Variants in SPEM2 observed in about 807,000 individuals in gnomAD.
SPEM2 encodes SPEM family member 2.
A neutral mutation model predicts 9.3 loss-of-function variants in SPEM2; 15 were observed. The observed-to-expected ratio is 1.62, with a 90% CI of 1.08 to 2.50. The LOEUF (loss-of-function observed/expected upper bound fraction) is 2.50. SPEM2 is among the 30% of genes most tolerant of loss of function. SPEM2 has a pLI of 0.00. For missense variants in SPEM2, 678 were observed against 690.0 expected (o/e 0.98, Z 0.19); for synonymous variants, 268 against 272.4 (o/e 0.98, Z 0.16).
Position 7,426,831 on chromosome 17 carries a change from A to G in SPEM2, c.840A>G (p.Pro280=), listed in dbSNP as rs1907632276. The G allele has an allele frequency of 3.1e-6, 5 of 1,609,196 alleles. No individual in the cohort carries two copies. Among genetic ancestry groups the G allele is most frequent in the Non-Finnish European group, 4.2e-6 (5 of 1,177,596 alleles). ...AGGCTGAGCAGTGGGCCTCGTCTCC[A>G]CCACCTCCCCACCGGCTGCCCCCTA... ...NVEAEQWASS[P]PPPHRLPPNP... Residue 280 remains proline (P), a synonymous_variant, in exon 3 of 3, where the codon CCA becomes CCG. Coordinates refer to ENST00000333870, the MANE Select transcript of SPEM2 (RefSeq NM_175734.5). This position sits in a 1 kb window ranked among gnomAD's most constrained non-coding sequence, Gnocchi z 5.3.
rs377377028 is a variant in SPEM2 at position 7,425,716 on chromosome 17, G to A, written c.28G>A (p.Val10Met). 32 of 1,614,146 alleles carry A rather than the reference G, an allele frequency of 2.0e-5. No individual in the cohort carries two copies. The African/African-American group carries it at 2.0e-4, about 10-fold the overall frequency. MENQLWHNT[V>M]RCCNQYQESP... Reference sequence around the variant, plus strand: ...GGAAAACCAGCTATGGCATAACACCGTGAGATGTTGCAATCAATACCAAGA... The same window carrying A: ...GGAAAACCAGCTATGGCATAACACCATGAGATGTTGCAATCAATACCAAGA... The change falls in exon 1 of 3, where the codon GTG becomes ATG. Residue 10 changes from valine to methionine, a missense_variant. Transcript: ENST00000333870.
Position 7,426,193 on chromosome 17 carries a change from A to G in SPEM2, c.202A>G (p.Ile68Val). ...MIDWATQKNE[I>V]QASESPPSGP... ...TGGACTCTTGCCTTCCCCAGATGAA[A>G]TTCAGGCCAGTGAAAGTCCCCCAAG... The change falls in exon 3 of 3, where the codon ATT becomes GTT. Residue 68 changes from isoleucine (I) to valine (V), a missense_variant. Coordinates refer to ENST00000333870, the MANE Select transcript of SPEM2 (RefSeq NM_175734.5). The surrounding 1 kb of genome is among the most constrained non-coding windows in gnomAD (Gnocchi z 5.3). The G allele has an allele frequency of 1.9e-6, 3 of 1,613,190 alleles. No homozygotes were observed. Among genetic ancestry groups the G allele is most frequent in the Non-Finnish European group, 2.5e-6 (3 of 1,179,326 alleles).
At position 7,426,157 on chromosome 17, in the gene SPEM2, C is replaced by A; in HGVS notation, c.197-31C>A. The A allele has an allele frequency of 6.2e-7, 1 of 1,613,500 alleles. No individual in the cohort carries two copies. Among genetic ancestry groups the A allele is most frequent in the East Asian group, 2.2e-5 (1 of 44,872 alleles). ...CAACCTTGAGCTCTTCTGACAATTG[C>A]CCTGACTTCATGGACTCTTGCCTTC... On this transcript the variant is annotated intron_variant, in intron 2 of 2. Coordinates refer to ENST00000333870, the MANE Select transcript of SPEM2 (RefSeq NM_175734.5). This position sits in a 1 kb window ranked among gnomAD's most constrained non-coding sequence, Gnocchi z 5.3.
chr17:7,426,522 T>A lies in SPEM2; in HGVS notation c.531T>A (p.Asp177Glu). ...MSQLHRVPFF[D>E]QEDPDSYLEE... The stretch of plus-strand genomic sequence containing the variant: ...AACTACACCGAGTGCCTTTCTTTGA[T>A]CAGGAGGACCCGGATTCCTACCTGG... The change falls in exon 3 of 3, where the codon GAT becomes GAA. Residue 177 changes from aspartate to glutamate, a missense_variant. Asp to Glu is a conservative substitution (Grantham distance 45). Coordinates refer to ENST00000333870, the MANE Select transcript of SPEM2 (RefSeq NM_175734.5). This position sits in a 1 kb window ranked among gnomAD's most constrained non-coding sequence, Gnocchi z 5.3. The A allele has an allele frequency of 1.2e-6, 2 of 1,614,110 alleles. No individual in the cohort carries two copies. The highest frequency in any genetic ancestry group is 1.7e-6 in the Non-Finnish European group (2 of 1,180,034).
At position 7,426,843 on chromosome 17, in the gene SPEM2, C is replaced by T. The variant is rs1337660338; in HGVS notation, c.852C>T (p.His284=). The T allele has an allele frequency of 3.1e-6, 5 of 1,610,114 alleles. No individual in the cohort carries two copies. Among genetic ancestry groups the T allele is most frequent in the African/African-American group, 1.3e-5 (1 of 74,896 alleles). The change falls in exon 3 of 3, where the codon CAC becomes CAT. Residue 284 remains histidine (H), a synonymous_variant. Coordinates refer to ENST00000333870, the MANE Select transcript of SPEM2 (RefSeq NM_175734.5). This position sits in a 1 kb window ranked among gnomAD's most constrained non-coding sequence, Gnocchi z 5.3. ...EQWASSPPPP[H]RLPPNPSWVP... ...GGGCCTCGTCTCCACCACCTCCCCA[C>T]CGGCTGCCCCCTAACCCCTCTTGGG...
Position 7,427,235 on chromosome 17 carries a change from C to G in SPEM2, c.1244C>G (p.Thr415Ser). The change falls in exon 3 of 3, where the codon ACC becomes AGC. Residue 415 changes from threonine (T) to serine (S), a missense_variant. By Grantham distance (58) the Thr-to-Ser change is moderately conservative. Transcript: ENST00000333870. This position sits in a 1 kb window ranked among gnomAD's most constrained non-coding sequence, Gnocchi z 5.4. Reference sequence around the variant, plus strand: ...TTGGACGAGGCCTCCCATCAACGGACCCCAGCTCCAAGCTCAGTGCTGGTC... The same window carrying G: ...TTGGACGAGGCCTCCCATCAACGGAGCCCAGCTCCAAGCTCAGTGCTGGTC... ...TVLDEASHQR[T>S]PAPSSVLVPH... The G allele has an allele frequency of 6.2e-7, 1 of 1,614,196 alleles. No homozygotes were observed. The highest frequency in any genetic ancestry group is 8.5e-7 in the Non-Finnish European group (1 of 1,180,014).
At position 7,426,588 on chromosome 17, in the gene SPEM2, A is replaced by C. The variant is rs753280136; in HGVS notation, c.597A>C (p.Pro199=). Residue 199 remains proline (P), a synonymous_variant, in exon 3 of 3, where the codon CCA becomes CCC. Transcript: ENST00000333870. The surrounding 1 kb of genome is among the most constrained non-coding windows in gnomAD (Gnocchi z 5.3). ...DNLPFPYPKY[P]RRGWGGFYQR... is the part of the protein sequence containing the mutation. The stretch of plus-strand genomic sequence containing the variant: ...TGCCCTTCCCGTATCCCAAGTACCC[A>C]CGTCGCGGCTGGGGCGGGTTTTATC... 6.2e-7 allele frequency: 1 copy of C among 1,613,968 alleles called. No homozygotes were observed. Among genetic ancestry groups the C allele is most frequent in the Non-Finnish European group, 8.5e-7 (1 of 1,179,940 alleles).
At position 7,425,791 on chromosome 17, in the gene SPEM2, G is replaced by A. The variant is rs578165737; in HGVS notation, c.103G>A (p.Val35Ile). The change falls in exon 1 of 3, where the codon GTT (valine) becomes ATT (isoleucine). Residue 35 changes from valine to isoleucine, a missense_variant. Transcript: ENST00000333870. ...DILLLLLGLI[V>I]LVNIGINVAT... ...CTTACTCCTGCTGCTGGGCCTCATC[G>A]TTCTTGTCAACATTGGCATCAACGT... is the stretch of plus-strand genomic sequence containing the variant. 36 of 1,614,202 alleles carry A rather than the reference G, an allele frequency of 2.2e-5. No homozygotes were observed. In the East Asian group the frequency reaches 6.5e-4, roughly 29 times the overall value.
chr17:7,427,405 A>G lies in SPEM2; in HGVS notation c.1414A>G (p.Lys472Glu). 6.2e-7 allele frequency: 1 copy of G among 1,613,650 alleles called. No homozygotes were observed. Residue 472 changes from lysine to glutamate, a missense_variant, in exon 3 of 3, where the codon AAG (lysine) becomes GAG (glutamate). Lys to Glu is a moderately conservative substitution (Grantham distance 56, BLOSUM62 1). Transcript: ENST00000333870. This position sits in a 1 kb window ranked among gnomAD's most constrained non-coding sequence, Gnocchi z 5.4. ...CCTGGAGCTGAAGCGGCAGGTGCAG[A>G]AGAGCAGAGCCAGGTCCAGCTCACT... The part of the protein sequence containing the change: ...DSLELKRQVQ[K>E]SRARSSSLPP...
In SPEM2 at chr17:7,427,449, C is replaced by T. The variant is rs1218991203; in HGVS notation, c.1458C>T (p.Ser486=). 1.9e-6 allele frequency: 3 copies of T among 1,603,754 alleles called. No homozygotes were observed. Among genetic ancestry groups the T allele is most frequent in the Non-Finnish European group, 1.7e-6 (2 of 1,173,932 alleles). ...RSSSLPPAST[S]TLRPSLHRSQ... ...GCTCACTGCCACCGGCTTCCACCTC[C>T]ACCTTGAGGCCCTCTCTGCACAGGA... is the stretch of plus-strand genomic sequence containing the variant. The change falls in exon 3 of 3, where the codon TCC becomes TCT. Residue 486 remains serine, a synonymous_variant. Transcript: ENST00000333870. The surrounding 1 kb of genome is among the most constrained non-coding windows in gnomAD (Gnocchi z 5.4).
Position 7,425,981 on chromosome 17 carries a change from A to T in SPEM2, c.139-12A>T. 1 of 1,614,030 alleles carries T rather than the reference A, an allele frequency of 6.2e-7. No homozygotes were observed. The highest frequency in any genetic ancestry group is 1.3e-5 in the African/African-American group (1 of 75,014). On this transcript the variant is annotated splice_polypyrimidine_tract_variant and intron_variant, in intron 1 of 2. Coordinates refer to ENST00000333870, the MANE Select transcript of SPEM2 (RefSeq NM_175734.5). ...GAGGGCCTGGCCTTCACTCTCTTCC[A>T]CCCTGCCCCAGATGTGGCATGGACT...
Position 7,425,725 on chromosome 17 carries a change from T to C in SPEM2, c.37T>C (p.Cys13Arg). 6 of 1,614,158 alleles carry C rather than the reference T, an allele frequency of 3.7e-6. No homozygotes were observed. The highest frequency in any genetic ancestry group is 5.1e-6 in the Non-Finnish European group (6 of 1,180,012). Reference protein sequence around the residue: ...NQLWHNTVRCCNQYQESPHDA... With the variant: ...NQLWHNTVRCRNQYQESPHDA... ...GCTATGGCATAACACCGTGAGATGT[T>C]GCAATCAATACCAAGAAAGCCCCCA... is the stretch of plus-strand genomic sequence containing the variant. Residue 13 changes from cysteine (C) to arginine (R), a missense_variant, in exon 1 of 3, where the codon TGC becomes CGC. Physicochemically the swap from Cys to Arg is radical, Grantham distance 180 (BLOSUM62 -3). Transcript: ENST00000333870.
At position 7,426,960 on chromosome 17, in the gene SPEM2, C is replaced by T. The variant is rs1232498709; in HGVS notation, c.969C>T (p.Arg323=). Residue 323 remains arginine (R), a synonymous_variant, in exon 3 of 3, where the codon CGC becomes CGT. Coordinates refer to ENST00000333870, the MANE Select transcript of SPEM2 (RefSeq NM_175734.5). This position sits in a 1 kb window ranked among gnomAD's most constrained non-coding sequence, Gnocchi z 5.3. ...GTCGTGGCACGGAGGGCTTTGAGCG[C>T]CCCCCTGCCTCGGTGTCCCGGAACG... ...QRRRGTEGFE[R]PPASVSRNAR... is the part of the protein sequence containing the mutation. The T allele has an allele frequency of 1.2e-6, 2 of 1,612,136 alleles. No homozygotes were observed. Among genetic ancestry groups the T allele is most frequent in the Admixed American group, 1.7e-5 (1 of 59,972 alleles).
Position 7,426,393 on chromosome 17 carries a change from T to A in SPEM2, c.402T>A (p.Cys134Ter). The A allele has an allele frequency of 6.2e-7, 1 of 1,613,548 alleles. No individual in the cohort carries two copies. ...VRRRRRRHRRCRRRCCNHQQR... is the reference protein window; with the variant it reads ...VRRRRRRHRR ...GCCGCCGCCGCCGCCACCGCCGTTG[T>A]CGCCGTCGCTGCTGCAACCACCAGC... is the stretch of plus-strand genomic sequence containing the variant. Residue 134 changes from cysteine (C) to a stop codon, truncating the protein, a stop_gained, in exon 3 of 3, where the codon TGT (cysteine) becomes TGA (stop). Coordinates refer to ENST00000333870, the MANE Select transcript of SPEM2 (RefSeq NM_175734.5). LOFTEE classifies it low-confidence loss of function (END_TRUNC). The surrounding 1 kb of genome is among the most constrained non-coding windows in gnomAD (Gnocchi z 5.3).
At position 7,427,231 on chromosome 17, in the gene SPEM2, C is replaced by A; in HGVS notation, c.1240C>A (p.Arg414=). The A allele has an allele frequency of 6.2e-7, 1 of 1,614,194 alleles. No individual in the cohort carries two copies. Among genetic ancestry groups the A allele is most frequent in the African/African-American group, 1.3e-5 (1 of 75,050 alleles). ...GGTGTTGGACGAGGCCTCCCATCAACGGACCCCAGCTCCAAGCTCAGTGCT... is the reference window on the plus strand; with the variant it reads ...GGTGTTGGACGAGGCCTCCCATCAAAGGACCCCAGCTCCAAGCTCAGTGCT... The part of the protein sequence containing the change: ...LTVLDEASHQ[R]TPAPSSVLVP... The change falls in exon 3 of 3, where the codon CGG becomes AGG. Residue 414 remains arginine, a synonymous_variant. Transcript: ENST00000333870. The surrounding 1 kb of genome is among the most constrained non-coding windows in gnomAD (Gnocchi z 5.4).
At position 7,425,772 on chromosome 17, in the gene SPEM2, C is replaced by A. The variant is rs202243247; in HGVS notation, c.84C>A (p.Leu28=). The change falls in exon 1 of 3, where the codon CTC becomes CTA. Residue 28 remains leucine, a synonymous_variant. Coordinates refer to ENST00000333870, the MANE Select transcript of SPEM2 (RefSeq NM_175734.5). ...ESPHDAEDIL[L]LLLGLIVLVN... ...CCCACGATGCCGAGGACATCTTACT[C>A]CTGCTGCTGGGCCTCATCGTTCTTG... The A allele has an allele frequency of 2.0e-4, 326 of 1,614,214 alleles. 2 individuals are homozygous for A. In the African/African-American group the frequency reaches 3.9e-3, roughly 19 times the overall value.
In SPEM2 at chr17:7,426,648, G is replaced by T. The variant is rs942586130; in HGVS notation, c.657G>T (p.Trp219Cys). Reference sequence around the variant, plus strand: ...GCCTGCCCTCCAATGTGGGGCTGTGGGGCCACCAGGGTGGTATCCTGGCCA... The same window carrying T: ...GCCTGCCCTCCAATGTGGGGCTGTGTGGCCACCAGGGTGGTATCCTGGCCA... ...RAGLPSNVGL[W>C]GHQGGILASL... The change falls in exon 3 of 3, where the codon TGG (tryptophan) becomes TGT (cysteine). Residue 219 changes from tryptophan (W) to cysteine (C), a missense_variant. Trp to Cys is a radical substitution (Grantham distance 215). Transcript: ENST00000333870. This position sits in a 1 kb window ranked among gnomAD's most constrained non-coding sequence, Gnocchi z 5.3. The T allele has an allele frequency of 5.0e-6, 8 of 1,613,942 alleles. No homozygotes were observed. Among genetic ancestry groups the T allele is most frequent in the Non-Finnish European group, 6.8e-6 (8 of 1,180,014 alleles).
At position 7,426,839 on chromosome 17, in the gene SPEM2, C is replaced by T. The variant is rs767304434; in HGVS notation, c.848C>T (p.Pro283Leu). The T allele has an allele frequency of 4.3e-6, 7 of 1,609,976 alleles. No individual in the cohort carries two copies. The highest frequency in any genetic ancestry group is 2.7e-5 in the African/African-American group (2 of 74,898). Residue 283 changes from proline to leucine, a missense_variant, in exon 3 of 3, where the codon CCC becomes CTC. Physicochemically the swap from Pro to Leu is moderately conservative, Grantham distance 98 (BLOSUM62 -3). Transcript: ENST00000333870. This position sits in a 1 kb window ranked among gnomAD's most constrained non-coding sequence, Gnocchi z 5.3. ...CAGTGGGCCTCGTCTCCACCACCTCCCCACCGGCTGCCCCCTAACCCCTCT... is the reference window on the plus strand; with the variant it reads ...CAGTGGGCCTCGTCTCCACCACCTCTCCACCGGCTGCCCCCTAACCCCTCT... ...AEQWASSPPP[P>L]HRLPPNPSWV... is the part of the protein sequence containing the mutation.
At position 7,426,964 on chromosome 17, in the gene SPEM2, C is replaced by T; in HGVS notation, c.973C>T (p.Pro325Ser). Residue 325 changes from proline (P) to serine (S), a missense_variant, in exon 3 of 3, where the codon CCT (proline) becomes TCT (serine). Physicochemically the swap from Pro to Ser is moderately conservative, Grantham distance 74 (BLOSUM62 -1). Transcript: ENST00000333870. This position sits in a 1 kb window ranked among gnomAD's most constrained non-coding sequence, Gnocchi z 5.3. ...RRGTEGFERP[P>S]ASVSRNARPE... ...TGGCACGGAGGGCTTTGAGCGCCCCCCTGCCTCGGTGTCCCGGAACGCCCG... is the reference window on the plus strand; with the variant it reads ...TGGCACGGAGGGCTTTGAGCGCCCCTCTGCCTCGGTGTCCCGGAACGCCCG... 1 of 1,612,262 alleles carries T rather than the reference C, an allele frequency of 6.2e-7. No individual in the cohort carries two copies. The highest frequency in any genetic ancestry group is 8.5e-7 in the Non-Finnish European group (1 of 1,179,846).
Sources: gnomAD v4.1 joint callset for allele counts on GRCh38, gnomAD v4.1.1 for gene constraint, Gnocchi (gnomAD v3.1) non-coding constraint, MANE v1.5 for transcripts, NCBI Gene and HGNC (gene_info 2026-07-23, HGNC 2026-07-21) for gene names.